The following SLC2A5 variants were observed in gnomAD, a reference collection of about 807,000 sequenced individuals.
The protein encoded by SLC2A5 is solute carrier family 2 member 5, also known as solute carrier family 2, facilitated glucose transporter member 5.
A neutral mutation model predicts 50.3 loss-of-function variants in SLC2A5; 56 were observed. The observed-to-expected ratio is 1.11, with a 90% confidence interval of 0.90 to 1.39. The LOEUF (loss-of-function observed/expected upper bound fraction) is 1.39, where lower values mean the gene tolerates loss of function less well. SLC2A5 is among the 40% of genes most tolerant of loss of function. SLC2A5 has a pLI of 0.00. For synonymous variants in SLC2A5, 269 were observed against 281.9 expected, an observed-to-expected ratio of 0.95 and a Z score of 0.46; for missense variants, 566 against 650.1, an observed-to-expected ratio of 0.87 and a Z score of 1.41.
At chr1:9,066,347 C>T (rs1488581109) in intron 1 of SLC2A5, among the ~76,000 whole-genome samples, 1 of 152,070 alleles carries the variant, frequency 6.6e-6, no homozygotes, top group Non-Finnish European at 1.5e-5. Flanking sequence ...GCGATCCTCC[C>T]ACCTCAGCCT....
At chr1:9,094,040 C>T in the SLC2A5 span, among the ~76,000 whole-genome samples, 49 of 152,320 alleles carry the variant, frequency 3.2e-4, no homozygotes, top group African/African-American at 9.6e-4. Context: ...ACACACGCCC[C>T]TTTTACAACA....
chr1:9,063,532 C>T (rs1481466294), intron 1 of SLC2A5, among the ~76,000 whole-genome samples: 1 of 151,274 alleles, frequency 6.6e-6, no homozygotes, highest in Non-Finnish European at 1.5e-5. Flanking sequence ...GCCACCACGC[C>T]TGGCTAATTT....
At chr1:9,039,033 C>A in intron 8 of SLC2A5, 104 bp from the exon 9 acceptor site, 2 of 1,296,604 alleles carry the variant, frequency 1.5e-6, no homozygotes, top group Non-Finnish European at 2.1e-6. Flanking sequence ...ACCGGGTGCC[C>A]ACCCATGTGC....
At position 9,041,842 on chromosome 1, in the gene SLC2A5, C is replaced by T. The variant is rs774095523; in HGVS notation, c.514G>A (p.Val172Ile). The part of the protein sequence containing the change: ...LGVVPQLFIT[V>I]GILVAQIFGL... ...AAGATCTGGGCCACAAGGATGCCAACAGTGATGAAGAGCTGGGGCACCACC... is the reference window on the plus strand; with the variant it reads ...AAGATCTGGGCCACAAGGATGCCAATAGTGATGAAGAGCTGGGGCACCACC... Residue 172 changes from valine (V) to isoleucine (I), a missense_variant, in exon 5 of 12, where the codon GTT (valine) becomes ATT (isoleucine). Val to Ile is a conservative substitution (Grantham distance 29). Transcript: ENST00000377424. The T allele has an allele frequency of 4.3e-6, 7 of 1,613,912 alleles. No individual in the cohort carries two copies. The highest frequency in any genetic ancestry group is 3.3e-5 in the Admixed American group (2 of 60,002).
At chr1:9,085,599 G>A (rs1471680398) in intron 1 of SLC2A5, among the ~76,000 whole-genome samples, 1 of 152,170 alleles carries the variant, frequency 6.6e-6, no homozygotes, top group Non-Finnish European at 1.5e-5. Flanking sequence ...TGCTGGAGAG[G>A]TTTGATGAGG....
chr1:9,045,302 A>T (rs1424655507), intron 4 of SLC2A5, among the ~76,000 whole-genome samples: 1 of 152,220 alleles, frequency 6.6e-6, no homozygotes, highest in African/African-American at 2.4e-5. Context: ...AATACAGTAA[A>T]TATTGATCAA....
At chr1:9,084,540 T>C (rs1642385351) in intron 2 of SLC2A5, among the ~76,000 whole-genome samples, 1 of 152,208 alleles carries the variant, frequency 6.6e-6, no homozygotes, top group Non-Finnish European at 1.5e-5. Flanking sequence ...TCAGAAACAT[T>C]ACACAAATCA....
At chr1:9,038,802 C>A in intron 9 of SLC2A5, 26 bp downstream of exon 9, 1 of 1,551,434 alleles carries the variant, frequency 6.4e-7, no homozygotes, top group South Asian at 1.2e-5. Context: ...CAGCTCCGGG[C>A]TCCTGGGACC....
In SLC2A5 at chr1:9,066,277, G is replaced by A. The variant is rs60607074; in HGVS notation, c.33+3227C>T. On this transcript the variant is annotated intron_variant, in intron 1 of 11. Coordinates refer to ENST00000377424, the MANE Select transcript of SLC2A5 (RefSeq NM_003039.3). Reference sequence around the variant, plus strand: ...AGAATCTCACTCTGGCTGGAGTCACGCAGGCTGGAGCGCAGTGGCACTATC... The same window carrying A: ...AGAATCTCACTCTGGCTGGAGTCACACAGGCTGGAGCGCAGTGGCACTATC... Among the ~76,000 whole-genome samples the A allele has an allele frequency of 7.9e-4, 120 of 151,886 alleles. 3 individuals carry two copies. The East Asian group carries it at 0.016, about 20-fold the overall frequency.
chr1:9,044,086 T>C (rs2124335222), intron 4 of SLC2A5, among the ~76,000 whole-genome samples: 1 of 150,764 alleles, frequency 6.6e-6, no homozygotes, highest in Admixed American at 6.6e-5. Context: ...CCCAGCATTT[T>C]GGGAGGCTGA....
At position 9,036,760 on chromosome 1, in the gene SLC2A5, G is replaced by A. The variant is rs1448320370; in HGVS notation, c.*826C>T. 6.6e-6 allele frequency: 1 copy of A among 151,432 alleles called. No homozygotes were observed. The highest frequency in any genetic ancestry group is 2.4e-5 in the African/African-American group (1 of 41,142). 9.4% of individuals were successfully genotyped at this position (151,432 alleles called of 1,614,324 possible). ...GGAGGCTGAGGCAGGAGAATGGTGT[G>A]AACCCGGGAGGTGGAGTTTGCAGTG... On this transcript the variant is annotated 3_prime_UTR_variant, in exon 12 of 12. Transcript: ENST00000377424.
chr1:9,040,413 C>T lies in SLC2A5; in HGVS notation c.572-224G>A. The T allele has an allele frequency of 5.3e-6, 3 of 566,798 alleles. No individual in the cohort carries two copies. Among genetic ancestry groups the T allele is most frequent in the Non-Finnish European group, 9.3e-6 (3 of 321,942 alleles). 35.1% of individuals were successfully genotyped at this position (566,798 alleles called of 1,614,324 possible). ...CCTGCGCCCATCAGACAGACCACAC[C>T]GACGAGGCCGGTAATACCATGTGCT... On this transcript the variant is annotated intron_variant, in intron 5 of 11. Transcript: ENST00000377424. This position sits in a 1 kb window ranked among gnomAD's most constrained non-coding sequence, Gnocchi z 4.3.
chr1:9,065,953 A>T (rs12751666), intron 1 of SLC2A5, among the ~76,000 whole-genome samples: 25 of 144,270 alleles, frequency 1.7e-4, no homozygotes, highest in South Asian at 4.4e-4. Context: ...CAAAAAAAAA[A>T]TTTTTTTTTG....
At chr1:9,042,001 C>A in intron 4 of SLC2A5, 64 bp from the exon 5 acceptor site, 2 of 1,484,916 alleles carry the variant, frequency 1.3e-6, no homozygotes, top group Non-Finnish European at 1.8e-6. Context: ...AAGCTGTCTT[C>A]AAGTATACTA....
chr1:9,038,541 G>A, intron 9 of SLC2A5, 35 bp from the exon 10 acceptor site: 1 of 1,565,098 alleles, frequency 6.4e-7, no homozygotes, highest in Non-Finnish European at 8.8e-7. Flanking sequence ...ACCTGGAGCA[G>A]ACAAGCTAGG....
upstream of SLC2A5, chr1:9,069,846 C>T (rs1642177019): frequency 9.9e-6 from 3 of 302,974 alleles, no homozygotes; most frequent in Non-Finnish European, 1.9e-5. Context: ...CAGTCAGGCT[C>T]ATGGTGAATG....
intron 4 of SLC2A5, among the ~76,000 whole-genome samples, chr1:9,046,222 G>T (rs1641431054): frequency 6.6e-6 from 1 of 152,110 alleles, no homozygotes; most frequent in Admixed American, 6.6e-5. Context: ...GACCCTGAGA[G>T]CTTCCATCCT....
At chr1:9,075,806 ACC>A (rs1226518278) in intron 2 of SLC2A5, among the ~76,000 whole-genome samples, 1 of 151,818 alleles carries the variant, frequency 6.6e-6, no homozygotes, top group Non-Finnish European at 1.5e-5. Flanking sequence ...GATTACAGGC[ACC>A]TGCCACCATG....
intron 2 of SLC2A5, among the ~76,000 whole-genome samples, chr1:9,076,178 A>G (rs1642281309): frequency 6.6e-6 from 1 of 151,064 alleles, no homozygotes; most frequent in Admixed American, 6.6e-5. Context: ...CTGTTCTAGA[A>G]CTCCTGACCT....
Sources: allele counts gnomAD v4.1 joint callset (sites outside exome capture counted in the v4.1 genomes callset), GRCh38; gene constraint gnomAD v4.1.1; non-coding constraint Gnocchi (gnomAD v3.1); transcripts MANE v1.5; gene names NCBI Gene and HGNC (gene_info 2026-07-23, HGNC 2026-07-21).